The following CADPS2 variants were observed in gnomAD, a reference collection of about 807,000 sequenced individuals.
CADPS2 encodes calcium-dependent secretion activator 2.
A neutral mutation model predicts 172.5 loss-of-function variants in CADPS2; 93 were observed. That is an observed-to-expected ratio of 0.54 (90% CI 0.46 to 0.64). The LOEUF is 0.64. CADPS2 is among the 30% of genes least tolerant of loss of function. The probability of loss-of-function intolerance (pLI) is 0.00; values close to 1 mark genes in which losing one functional copy is unlikely to be tolerated. For synonymous variants in CADPS2, 546 were observed against 555.2 expected (o/e 0.98, Z 0.23); for missense variants, 1,420 against 1,565.9 (o/e 0.91, Z 1.57).
At chr7:122,488,319 G>T (rs2058019435) in intron 11 of CADPS2, among the ~76,000 whole-genome samples, 1 of 152,194 alleles carries the variant, frequency 6.6e-6, no homozygotes, top group African/African-American at 2.4e-5. Context: ...GCACAGTCCA[G>T]GGATAAATAC....
intron 3 of CADPS2, among the ~76,000 whole-genome samples, chr7:122,636,829 G>A (rs1490756913): frequency 2.0e-5 from 3 of 151,820 alleles, no homozygotes; most frequent in African/African-American, 7.3e-5. Context: ...TGTGCCTTGG[G>A]GTTGGTCATC....
chr7:122,693,918 C>G (rs28550991), intron 2 of CADPS2, among the ~76,000 whole-genome samples: 2 of 152,090 alleles, frequency 1.3e-5, no homozygotes, highest in African/African-American at 2.4e-5. Flanking sequence ...AAGCCAAGAT[C>G]GTGCCACTGC....
At chr7:122,867,334 C>G (rs560797952) in intron 1 of CADPS2, among the ~76,000 whole-genome samples, 7 of 152,220 alleles carry the variant, frequency 4.6e-5, no homozygotes, top group African/African-American at 1.7e-4. Context: ...TCAATTCTCT[C>G]CAAGAGAAAT....
intron 3 of CADPS2, among the ~76,000 whole-genome samples, chr7:122,653,541 A>G (rs1264766608): frequency 1.3e-5 from 2 of 152,254 alleles, no homozygotes; most frequent in Non-Finnish European, 2.9e-5. Context: ...AACAAAAGAA[A>G]AAATATACAG....
chr7:122,370,900 A>G (rs1332339636), intron 25 of CADPS2, among the ~76,000 whole-genome samples: 3 of 152,174 alleles, frequency 2.0e-5, no homozygotes, highest in Admixed American at 6.5e-5. Flanking sequence ...GTGATGCTAA[A>G]AAGTTTTTCT....
intron 8 of CADPS2, among the ~76,000 whole-genome samples, chr7:122,541,675 TTA>T (rs1336031724): frequency 1.4e-5 from 2 of 146,146 alleles, no homozygotes; most frequent in Non-Finnish European, 3.0e-5. Context: ...TCATATATGT[TTA>T]TATATTTATT....
intron 20 of CADPS2, 123 bp downstream of exon 20, chr7:122,407,417 A>G: frequency 9.5e-7 from 1 of 1,053,990 alleles, no homozygotes; most frequent in Non-Finnish European, 1.4e-6. Flanking sequence ...GGCTGAGCAA[A>G]CCTAAATGTT....
intron 1 of CADPS2, among the ~76,000 whole-genome samples, chr7:122,786,781 T>G (rs1466239952): frequency 2.0e-5 from 3 of 152,092 alleles, no homozygotes; most frequent in African/African-American, 7.2e-5. Context: ...AGAGTGGTTT[T>G]CAGACTTATT....
intron 2 of CADPS2, among the ~76,000 whole-genome samples, chr7:122,721,928 C>G (rs897332399): frequency 3.3e-5 from 5 of 152,106 alleles, no homozygotes; most frequent in African/African-American, 9.6e-5. Context: ...TAAACAGAAC[C>G]AAAGACAAAA....
At chr7:122,593,177 A>G (rs961986496) in intron 6 of CADPS2, among the ~76,000 whole-genome samples, 1 of 151,954 alleles carries the variant, frequency 6.6e-6, no homozygotes, top group Admixed American at 6.6e-5. Context: ...ACATCAAACT[A>G]TACTACTCTA....
intron 15 of CADPS2, among the ~76,000 whole-genome samples, chr7:122,445,676 A>C (rs976904178): frequency 6.6e-6 from 1 of 152,098 alleles, no homozygotes; most frequent in African/African-American, 2.4e-5. Context: ...TTATCTGCGC[A>C]TGGTGGCATG....
At chr7:122,677,309 A>C (rs565976742) in intron 2 of CADPS2, among the ~76,000 whole-genome samples, 84 of 152,310 alleles carry the variant, frequency 5.5e-4, no homozygotes, top group Non-Finnish European at 1.2e-3. Context: ...AAGACAAAGA[A>C]TTTGCAAATC....
Position 122,416,047 on chromosome 7 carries a change from A to G in CADPS2, c.2580+14T>C. On this transcript the variant is annotated intron_variant, in intron 18 of 29. Coordinates refer to ENST00000449022, the MANE Select transcript of CADPS2 (RefSeq NM_017954.11). Reference sequence around the variant, plus strand: ...TACATATAGCTTTATACTACAGTGAAAACAGGTCATCACCTCTGCATGATG... The same window carrying G: ...TACATATAGCTTTATACTACAGTGAGAACAGGTCATCACCTCTGCATGATG... 6.8e-7 allele frequency: 1 copy of G among 1,477,360 alleles called. No individual in the cohort carries two copies. The highest frequency in any genetic ancestry group is 9.2e-7 in the Non-Finnish European group (1 of 1,090,076). The allele number at this position is 1,477,360 out of a possible 1,614,324, so 91.5% of individuals were successfully genotyped here.
At chr7:122,726,050 C>T (rs1449511356) in intron 2 of CADPS2, among the ~76,000 whole-genome samples, 1 of 151,686 alleles carries the variant, frequency 6.6e-6, no homozygotes, top group Non-Finnish European at 1.5e-5. Context: ...AATTTTAACT[C>T]ACCAGCTTAA....
chr7:122,528,646 CATTT>C (rs2061486687), intron 8 of CADPS2, among the ~76,000 whole-genome samples: 1 of 151,922 alleles, frequency 6.6e-6, no homozygotes, highest in South Asian at 2.1e-4. Flanking sequence ...TTAAGAATTC[CATTT>C]ATTTATTTGC....
chr7:122,678,216 C>T (rs1356115546), intron 2 of CADPS2, among the ~76,000 whole-genome samples: 1 of 152,118 alleles, frequency 6.6e-6, no homozygotes, highest in Non-Finnish European at 1.5e-5. Flanking sequence ...CTTCAAAGTC[C>T]ATTTTAATAA....
intron 1 of CADPS2, among the ~76,000 whole-genome samples, chr7:122,753,405 G>A (rs571537626): frequency 6.6e-6 from 1 of 152,246 alleles, no homozygotes; most frequent in East Asian, 1.9e-4. Flanking sequence ...TTTATTTAAA[G>A]GGACTAAGTT....
At chr7:122,669,618 T>C (rs987613398) in intron 2 of CADPS2, among the ~76,000 whole-genome samples, 4 of 151,920 alleles carry the variant, frequency 2.6e-5, no homozygotes, top group Non-Finnish European at 5.9e-5. Context: ...ACCCGTTCTC[T>C]TGGCCCTACG....
In CADPS2 at chr7:122,508,449, GTTTTTTTTTTTT is replaced by G. The variant is rs1205155217; in HGVS notation, c.1542+4788_1542+4799del. ...TCCAGTTATTTATTTATTCATTTAA[GTTTTTTTTTTTT>G]TTTTTTTTTTTTTTTTTTCTGGAGA... On this transcript the variant is annotated intron_variant, in intron 9 of 29. Transcript: ENST00000449022. Among the ~76,000 whole-genome samples, 277 of 68,432 alleles carry G rather than the reference GTTTTTTTTTTTT, an allele frequency of 4.0e-3. 2 individuals carry two copies. The highest frequency in any genetic ancestry group is 0.013 in the African/African-American group (254 of 19,716). The allele number at this position is 68,432 out of a possible 152,430, so 44.9% of individuals were successfully genotyped here.
Sources: gnomAD v4.1 joint callset for allele counts (sites outside exome capture counted in the v4.1 genomes callset) on GRCh38, gnomAD v4.1.1 for gene constraint, MANE v1.5 for transcripts, NCBI Gene and HGNC (gene_info 2026-07-23, HGNC 2026-07-21) for gene names.